ZBTB40: variants seen among roughly 807,000 people sequenced by gnomAD.
ZBTB40 encodes zinc finger and BTB domain-containing protein 40.
In ZBTB40, 60 loss-of-function variants were observed where a neutral mutation model predicts 117.5. The ratio of observed to expected loss-of-function variants is 0.51; its 90% CI spans 0.41 to 0.63. ZBTB40 has a LOEUF of 0.63. Ranked by LOEUF, ZBTB40 falls within the 30% of genes least tolerant of loss-of-function variation. The pLI is 0.00. For synonymous variants in ZBTB40, 525 were observed against 577.1 expected, an observed-to-expected ratio of 0.91 and a Z score of 1.29; for missense variants, 1,287 against 1,498.5, an observed-to-expected ratio of 0.86 and a Z score of 2.33.
intron 1 of ZBTB40, among the ~76,000 whole-genome samples, chr1:22,475,022 C>T (rs1194710259): frequency 1.3e-5 from 2 of 151,424 alleles, no homozygotes; most frequent in Non-Finnish European, 2.9e-5. Context: ...TAGGTCTGCC[C>T]ATAGGAGGGT....
At chr1:22,501,366 G>C in intron 3 of ZBTB40, 126 bp from the exon 4 acceptor site, 1 of 990,998 alleles carries the variant, frequency 1.0e-6, no homozygotes, top group South Asian at 1.4e-5. Context: ...AGAAAGTGCA[G>C]TGGGTGAGGA....
intron 1 of ZBTB40, among the ~76,000 whole-genome samples, chr1:22,484,115 A>G (rs1201272651): frequency 1.3e-5 from 2 of 152,172 alleles, no homozygotes; most frequent in Non-Finnish European, 2.9e-5. Flanking sequence ...CTACTTGTCT[A>G]TTCTTTCACC....
intron 1 of ZBTB40, among the ~76,000 whole-genome samples, chr1:22,480,704 T>C (rs1638279325): frequency 1.3e-5 from 2 of 152,198 alleles, no homozygotes; most frequent in Admixed American, 1.3e-4. Context: ...TTCTGCTGCA[T>C]GCTAGAGACC....
chr1:22,496,753 G>T (rs1054602308), intron 3 of ZBTB40, among the ~76,000 whole-genome samples: 3 of 152,186 alleles, frequency 2.0e-5, no homozygotes, highest in African/African-American at 7.2e-5. Context: ...TTTCAGAAAG[G>T]CTTGCCCTCA....
intron 17 of ZBTB40, among the ~76,000 whole-genome samples, chr1:22,524,941 T>G (rs10917246): frequency 0.34 from 51,389 of 152,144 alleles, 9,298 homozygotes; most frequent in East Asian, 0.52. Flanking sequence ...CCAGATCCTC[T>G]TTTACTCTTC....
In ZBTB40 at chr1:22,511,209, C is replaced by T; in HGVS notation, c.1864C>T (p.Pro622Ser). 1.2e-6 allele frequency: 2 copies of T among 1,614,008 alleles called. No individual in the cohort carries two copies. The highest frequency in any genetic ancestry group is 1.7e-6 in the Non-Finnish European group (2 of 1,180,028). Residue 622 changes from proline to serine, a missense_variant, in exon 10 of 18, where the codon CCT (proline) becomes TCT (serine). Physicochemically the swap from Pro to Ser is moderately conservative, Grantham distance 74. Around this residue, in one of 2 missense-constraint regions of ZBTB40, gnomAD observed 870 missense variants for 934.4 expected, o/e 0.93. Coordinates refer to ENST00000375647, the MANE Select transcript of ZBTB40 (RefSeq NM_014870.4). ...ILSIPSETAS[P>S]EASLRAVLSR... ...GAGCATTCCCTCTGAGACAGCCAGC[C>T]CTGAAGCTTCCCTGAGAGCAGTGCT... is the stretch of plus-strand genomic sequence containing the variant.
At chr1:22,496,019 A>G (rs115034937) in intron 3 of ZBTB40, among the ~76,000 whole-genome samples, 2,469 of 152,154 alleles carry the variant, frequency 0.016, 79 homozygotes, top group African/African-American at 0.056. Context: ...TCTCATCTGT[A>G]TTTTCTGACA....
At chr1:22,477,255 CTG>C (rs1403018619) in intron 1 of ZBTB40, among the ~76,000 whole-genome samples, 1 of 152,050 alleles carries the variant, frequency 6.6e-6, no homozygotes, top group Non-Finnish European at 1.5e-5. Context: ...AGTTTCAAAA[CTG>C]TTTAATGAGG....
In ZBTB40 at chr1:22,511,970, T is replaced by G. The variant is rs1366538275; in HGVS notation, c.2297T>G (p.Val766Gly). ...TGCCGGGTGGCTAAGAGCAAACAGG[T>G]GCAGTGTAAGGAGTGCAGTGAGACC... ...KRCRVAKSKQVQCKECSETKD... is the reference protein window; with the variant it reads ...KRCRVAKSKQGQCKECSETKD... The change falls in exon 11 of 18, where the codon GTG becomes GGG. Residue 766 changes from valine (V) to glycine (G), a missense_variant. Around this residue, in one of 2 missense-constraint regions of ZBTB40, gnomAD observed 870 missense variants for 934.4 expected, o/e 0.93. Transcript: ENST00000375647. 1.2e-6 allele frequency: 2 copies of G among 1,614,078 alleles called. No homozygotes were observed. The highest frequency in any genetic ancestry group is 2.2e-5 in the South Asian group (2 of 91,074).
upstream of ZBTB40, among the ~76,000 whole-genome samples, chr1:22,448,409 T>A (rs1416477051): frequency 1.3e-5 from 2 of 152,232 alleles, no homozygotes; most frequent in Non-Finnish European, 2.9e-5. Context: ...AATGATACGT[T>A]GCTGCTAAGT....
At chr1:22,473,131 C>T (rs1641451612) in intron 1 of ZBTB40, among the ~76,000 whole-genome samples, 2 of 152,162 alleles carry the variant, frequency 1.3e-5, no homozygotes, top group Admixed American at 6.5e-5. Context: ...TATTGTTGTA[C>T]AGCACTTTGC....
intron 1 of ZBTB40, among the ~76,000 whole-genome samples, chr1:22,459,963 T>C (rs532013004): frequency 2.5e-4 from 38 of 152,344 alleles, no homozygotes; most frequent in Admixed American, 2.2e-3. Context: ...ATTTAAAAAA[T>C]AATAATTCTG....
In ZBTB40 at chr1:22,513,575, C is replaced by T. The variant is rs1639299718; in HGVS notation, c.2668+445C>T. ...AATTAGCCAGGCGTGGTGGCGGGCACCTGGAGTCTCAGCTACTCGGGAGGC... is the reference window on the plus strand; with the variant it reads ...AATTAGCCAGGCGTGGTGGCGGGCATCTGGAGTCTCAGCTACTCGGGAGGC... On this transcript the variant is annotated intron_variant, in intron 12 of 17. Transcript: ENST00000375647. This position sits in a 1 kb window ranked among gnomAD's most constrained non-coding sequence, Gnocchi z 4.9. Among the ~76,000 whole-genome samples, 1 of 152,070 alleles carries T rather than the reference C, an allele frequency of 6.6e-6. No individual in the cohort carries two copies. Among genetic ancestry groups the T allele is most frequent in the African/African-American group, 2.4e-5 (1 of 41,408 alleles).
Position 22,490,411 on chromosome 1 carries a change from G to A in ZBTB40, c.463G>A (p.Gly155Arg), listed in dbSNP as rs1307815015. The A allele has an allele frequency of 6.2e-7, 1 of 1,611,676 alleles. No individual in the cohort carries two copies. The highest frequency in any genetic ancestry group is 1.3e-5 in the African/African-American group (1 of 74,752). The change falls in exon 2 of 18, where the codon GGA (glycine) becomes AGA (arginine). Residue 155 changes from glycine (G) to arginine (R), a missense_variant. This residue lies in a region of ZBTB40 where 870 missense variants were observed against 934.4 expected (regional missense o/e 0.93). Coordinates refer to ENST00000375647, the MANE Select transcript of ZBTB40 (RefSeq NM_014870.4). ...AGAAATCCTTTCATCTGAAGGTGCT[G>A]GAGAGCCTCATTCTTCCCCAGAGCT... ...QVEILSSEGAGEPHSSPELAA... is the reference protein window; with the variant it reads ...QVEILSSEGAREPHSSPELAA...
rs1360149947 is a variant in ZBTB40 at position 22,526,558 on chromosome 1, C to G, written c.*162C>G. On this transcript the variant is annotated 3_prime_UTR_variant, in exon 18 of 18. Transcript: ENST00000375647. ...GAAAACAGATGGAAGCTTCGTTGTT[C>G]TCATAGAACCAACAGCATCTGAGCC... 1.1e-6 allele frequency: 1 copy of G among 895,308 alleles called. No individual in the cohort carries two copies. The highest frequency in any genetic ancestry group is 2.1e-5 in the Admixed American group (1 of 48,646). The allele number at this position is 895,308 out of a possible 1,614,324, so 55.5% of individuals were successfully genotyped here.
intron 3 of ZBTB40, among the ~76,000 whole-genome samples, chr1:22,497,068 A>G (rs781036633): frequency 2.0e-4 from 31 of 152,268 alleles, no homozygotes; most frequent in Non-Finnish European, 7.3e-5. Context: ...GGAAGCATCC[A>G]GCATGGGAGA....
At chr1:22,502,754 G>A (rs980412864) in intron 5 of ZBTB40, among the ~76,000 whole-genome samples, 4 of 152,124 alleles carry the variant, frequency 2.6e-5, no homozygotes, top group Non-Finnish European at 5.9e-5. Context: ...TGGACAGATG[G>A]ATATATGCTA....
At chr1:22,474,699 A>ATCAGAGAGCATCTCAGCCTC (rs1641512790) in intron 1 of ZBTB40, among the ~76,000 whole-genome samples, 1 of 152,186 alleles carries the variant, frequency 6.6e-6, no homozygotes, top group African/African-American at 2.4e-5. Flanking sequence ...ACAGACTAGG[A>ATCAGAGAGCATCTCAGCCTC]TCAGAGAGCA....
chr1:22,522,540 C>T (rs969652549), intron 16 of ZBTB40, 77 bp downstream of exon 16: 112 of 1,423,744 alleles, frequency 7.9e-5, no homozygotes, highest in Non-Finnish European at 1.1e-4. Context: ...AGCTTTGCAA[C>T]CTAGGCTAAA....
Sources: gnomAD v4.1 joint callset for allele counts (sites outside exome capture counted in the v4.1 genomes callset) on GRCh38, gnomAD v4.1.1 for gene constraint, gnomAD v4.1.1 regional missense constraint, Gnocchi (gnomAD v3.1) non-coding constraint, MANE v1.5 for transcripts, NCBI Gene and HGNC (gene_info 2026-07-23, HGNC 2026-07-21) for gene names.